Variants in PGS1 observed in about 807,000 individuals in gnomAD.
PGS1 encodes the protein phosphatidylglycerophosphate synthase 1.
In PGS1, 44 loss-of-function variants were observed where a neutral mutation model predicts 58.3. That is an observed-to-expected ratio of 0.75 (90% confidence interval 0.59 to 0.97). The LOEUF is 0.97. PGS1 is among the 50% of genes least tolerant of loss of function. PGS1 has a pLI of 0.00. For synonymous variants in PGS1, 330 were observed against 311.0 expected, an observed-to-expected ratio of 1.06 and a Z score of -0.64; for missense variants, 684 against 731.1, an observed-to-expected ratio of 0.94 and a Z score of 0.74.
At chr17:78,396,864 T>G (rs1264916523) in intron 3 of PGS1, among the ~76,000 whole-genome samples, 1 of 152,280 alleles carries the variant, frequency 6.6e-6, no homozygotes, top group African/African-American at 2.4e-5. Flanking sequence ...ATTTGTGTAT[T>G]GTCTGTGGTC....
In PGS1 at chr17:78,402,397, CATATATATATATATATAT is replaced by C. The variant is rs10599132; in HGVS notation, c.881-1157_881-1140del. Among the ~76,000 whole-genome samples, 247 of 108,380 alleles carry C rather than the reference CATATATATATATATATAT, an allele frequency of 2.3e-3. 5 individuals carry two copies. The highest frequency in any genetic ancestry group is 0.011 in the Admixed American group (107 of 9,996). The allele number at this position is 108,380 out of a possible 152,430, so 71.1% of individuals were successfully genotyped here. Reference sequence around the variant, plus strand: ...CATTTTCATTCTAGTAATTTCTATTCATATATATATATATATATATATATATATATACACACACACACA... The same window carrying C: ...CATTTTCATTCTAGTAATTTCTATTCATATATATATATACACACACACACA... On this transcript the variant is annotated intron_variant, in intron 6 of 9. Coordinates refer to ENST00000262764, the MANE Select transcript of PGS1 (RefSeq NM_024419.5).
rs527536255 is a variant in PGS1, at chr17:78,389,476, T to C, written c.144-3000T>C. Among the ~76,000 whole-genome samples the C allele has an allele frequency of 9.1e-4, 138 of 152,078 alleles. 1 individual carries two copies. Among genetic ancestry groups the C allele is most frequent in the Non-Finnish European group, 7.4e-4 (50 of 67,976 alleles). On this transcript the variant is annotated intron_variant, in intron 1 of 9. Coordinates refer to ENST00000262764, the MANE Select transcript of PGS1 (RefSeq NM_024419.5). Reference sequence around the variant, plus strand: ...CTGAGATTACAAGCATGAGCCACCATGCCCGGCCCAATTTTTGTATTTTTA... The same window carrying C: ...CTGAGATTACAAGCATGAGCCACCACGCCCGGCCCAATTTTTGTATTTTTA...
chr17:78,381,413 G>A (rs2082028662), intron 1 of PGS1, among the ~76,000 whole-genome samples: 1 of 152,216 alleles, frequency 6.6e-6, no homozygotes, highest in African/African-American at 2.4e-5. Context: ...GACCGGTATT[G>A]AGTGGTAGTG....
At chr17:78,414,710 G>T (rs542776457) in intron 7 of PGS1, among the ~76,000 whole-genome samples, 169 bp from the exon 8 acceptor site, 4 of 152,186 alleles carry the variant, frequency 2.6e-5, no homozygotes, top group African/African-American at 9.7e-5. Flanking sequence ...GCGCCGGGGT[G>T]GGGGTGGAAG....
At chr17:78,407,648 C>A (rs1307512902) in intron 7 of PGS1, among the ~76,000 whole-genome samples, 1 of 152,258 alleles carries the variant, frequency 6.6e-6, no homozygotes, top group African/African-American at 2.4e-5. Flanking sequence ...CTCAGCTCCT[C>A]CTGCTCCCAG....
At chr17:78,390,071 C>T (rs1247338932) in intron 1 of PGS1, among the ~76,000 whole-genome samples, 2 of 147,416 alleles carry the variant, frequency 1.4e-5, no homozygotes, top group Non-Finnish European at 3.0e-5. Context: ...TTCCCCCGCC[C>T]CCGACCATGT....
At chr17:78,394,640 C>T (rs996965670) in intron 2 of PGS1, among the ~76,000 whole-genome samples, 2 of 152,060 alleles carry the variant, frequency 1.3e-5, no homozygotes, top group African/African-American at 2.4e-5. Context: ...ATCACAACCT[C>T]TGCCTCCTGG....
intron 7 of PGS1, among the ~76,000 whole-genome samples, chr17:78,413,381 C>T (rs2084893950): frequency 6.6e-6 from 1 of 152,156 alleles, no homozygotes; most frequent in Non-Finnish European, 1.5e-5. Flanking sequence ...GAACTTGACA[C>T]CCCATGGGGA....
intron 1 of PGS1, among the ~76,000 whole-genome samples, chr17:78,379,491 A>G (rs1005639073): frequency 2.6e-5 from 4 of 152,140 alleles, no homozygotes; most frequent in African/African-American, 9.7e-5. Context: ...TTTGCCAAGA[A>G]CATGCTGACC....
chr17:78,394,500 C>T (rs929448252), intron 2 of PGS1, among the ~76,000 whole-genome samples: 12 of 152,072 alleles, frequency 7.9e-5, no homozygotes, highest in African/African-American at 1.2e-4. Flanking sequence ...ACTGTTGGCT[C>T]TTTGCTCCTA....
chr17:78,398,288 C>G lies in PGS1; in HGVS notation c.448C>G (p.Gln150Glu). 6.2e-7 allele frequency: 1 copy of G among 1,613,994 alleles called. No individual in the cohort carries two copies. The highest frequency in any genetic ancestry group is 8.5e-7 in the Non-Finnish European group (1 of 1,179,894). Residue 150 changes from glutamine (Q) to glutamate (E), a missense_variant, in exon 4 of 10, where the codon CAA becomes GAA. By Grantham distance (29) the Gln-to-Glu change is conservative. Transcript: ENST00000262764. Reference sequence around the variant, plus strand: ...GGAAAGTACTCTAGAAAAGTCACTCCAAGCAAAGTTTCCTTCAAATCTCAA... The same window carrying G: ...GGAAAGTACTCTAGAAAAGTCACTCGAAGCAAAGTTTCCTTCAAATCTCAA... ...CLESTLEKSL[Q>E]AKFPSNLKVS...
intron 7 of PGS1, among the ~76,000 whole-genome samples, chr17:78,409,564 C>T (rs180857765): frequency 3.0e-4 from 46 of 152,324 alleles, no homozygotes; most frequent in Admixed American, 5.9e-4. Context: ...GTGCTGTGCC[C>T]GTGCAAATTG....
chr17:78,419,332 G>A (rs760807770), intron 8 of PGS1, among the ~76,000 whole-genome samples: 8 of 152,318 alleles, frequency 5.3e-5, no homozygotes, highest in African/African-American at 1.4e-4. Flanking sequence ...TTAGGAACAC[G>A]GCTTCTTAGC....
chr17:78,393,351 C>T (rs983696062), intron 2 of PGS1, among the ~76,000 whole-genome samples: 20 of 152,218 alleles, frequency 1.3e-4, no homozygotes, highest in African/African-American at 2.9e-4. Context: ...TGAGCCACCG[C>T]GCCCGGCCTA....
At chr17:78,419,803 A>G in intron 9 of PGS1, 128 bp downstream of exon 9, 1 of 1,500,434 alleles carries the variant, frequency 6.7e-7, no homozygotes, top group Non-Finnish European at 8.9e-7. Context: ...AACACAGAGC[A>G]GCATCTTCAG....
chr17:78,405,240 C>G (rs1416470965), intron 7 of PGS1, among the ~76,000 whole-genome samples: 3 of 152,164 alleles, frequency 2.0e-5, no homozygotes, highest in African/African-American at 4.8e-5. Flanking sequence ...TTGTGAGCCA[C>G]TTGTCTCAGC....
At position 78,423,800 on chromosome 17, in the gene PGS1, C is replaced by G. The variant is rs544945593; in HGVS notation, c.*11-261C>G. The stretch of plus-strand genomic sequence containing the variant: ...CAAAGCACCTGATTATTTAAGAGAA[C>G]GAAAAACCACCACCAGTTCCTGTAA... On this transcript the variant is annotated intron_variant, in intron 9 of 9. Coordinates refer to ENST00000262764, the MANE Select transcript of PGS1 (RefSeq NM_024419.5). 5.5e-6 allele frequency: 8 copies of G among 1,443,418 alleles called. No individual in the cohort carries two copies. In the South Asian group the frequency reaches 6.5e-5, roughly 12 times the overall value. 89.4% of individuals were successfully genotyped at this position (1,443,418 alleles called of 1,614,324 possible). A position where few individuals can be genotyped will look rare whatever the true frequency, so the allele number is the denominator to read the frequency against.
intron 1 of PGS1, among the ~76,000 whole-genome samples, chr17:78,383,417 G>A (rs376295020): frequency 2.2e-4 from 33 of 152,200 alleles, no homozygotes; most frequent in African/African-American, 7.9e-4. Context: ...GTAGAGACGC[G>A]GTTTCTCCAT....
At chr17:78,395,987 G>T (rs1219630592) in intron 2 of PGS1, among the ~76,000 whole-genome samples, 1 of 152,232 alleles carries the variant, frequency 6.6e-6, no homozygotes, top group Non-Finnish European at 1.5e-5. Context: ...TGATCTGCCT[G>T]CCTCGGCCTC....
Sources: allele counts gnomAD v4.1 joint callset (sites outside exome capture counted in the v4.1 genomes callset), GRCh38; gene constraint gnomAD v4.1.1; transcripts MANE v1.5; gene names NCBI Gene and HGNC (gene_info 2026-07-23, HGNC 2026-07-21).